Variants in EDA observed in about 807,000 individuals in gnomAD.
EDA encodes ectodysplasin A, also known as ectodysplasin-A.
In EDA, 2 loss-of-function variants were observed where a neutral mutation model predicts 23.6. The observed-to-expected ratio is 0.08, with a 90% CI of 0.03 to 0.27. The LOEUF is 0.27. EDA is among the 10% of genes least tolerant of loss of function. The pLI is 1.00. For missense variants in EDA, 229 were observed against 324.2 expected, an observed-to-expected ratio of 0.71 and a Z score of 2.26; for synonymous variants, 131 against 132.0, an observed-to-expected ratio of 0.99 and a Z score of 0.05.
At chrX:69,746,581 G>A (rs1048749097) in intron 1 of EDA, among the ~76,000 whole-genome samples, 1 of 110,984 alleles carries the variant, frequency 9.0e-6, no homozygotes, top group African/African-American at 3.3e-5. Flanking sequence ...GAAGGGAAGG[G>A]TATAAATTGA....
At chrX:69,962,164 T>G (rs2019111473) in intron 2 of EDA, among the ~76,000 whole-genome samples, 1 of 111,701 alleles carries the variant, frequency 9.0e-6, no homozygotes, top group South Asian at 3.8e-4. Flanking sequence ...TCTTAATATC[T>G]CTCCACACCT....
At chrX:69,697,569 A>G (rs1360740237) in intron 1 of EDA, among the ~76,000 whole-genome samples, 1 of 112,071 alleles carries the variant, frequency 8.9e-6, no homozygotes, top group Non-Finnish European at 1.9e-5. Flanking sequence ...GTTGGTGTCC[A>G]TCGTGTCGTT....
At chrX:69,734,672 A>G (rs2013180496) in intron 1 of EDA, among the ~76,000 whole-genome samples, 1 of 111,759 alleles carries the variant, frequency 8.9e-6, no homozygotes. Flanking sequence ...TCTCTTGAGA[A>G]TTCTTCTTTG....
At chrX:69,786,623 A>C (rs752456597) in intron 1 of EDA, among the ~76,000 whole-genome samples, 1,229 of 109,210 alleles carry the variant, frequency 0.011, 9 homozygotes, top group Non-Finnish European at 0.016. Context: ...CTTAATCCTG[A>C]GTTCTAGTTT....
intron 1 of EDA, among the ~76,000 whole-genome samples, chrX:69,641,891 C>T (rs371849999): frequency 6.3e-5 from 7 of 111,672 alleles, no homozygotes; most frequent in African/African-American, 2.3e-4. Context: ...GAATAAACTA[C>T]ATAGGGAAAC....
At chrX:69,829,325 C>T (rs937430928) in intron 1 of EDA, among the ~76,000 whole-genome samples, 1 of 111,849 alleles carries the variant, frequency 8.9e-6, no homozygotes, top group African/African-American at 3.2e-5. Flanking sequence ...TGCTCAGAGA[C>T]ATTTTGCACT....
At chrX:69,773,302 T>C (rs2014689497) in intron 1 of EDA, among the ~76,000 whole-genome samples, 1 of 112,530 alleles carries the variant, frequency 8.9e-6, no homozygotes, top group Non-Finnish European at 1.9e-5. Flanking sequence ...GTTTATACAT[T>C]CATCTATTAT....
At chrX:69,695,603 A>G (rs1268845323) in intron 1 of EDA, among the ~76,000 whole-genome samples, 1 of 100,522 alleles carries the variant, frequency 9.9e-6, no homozygotes, top group African/African-American at 3.7e-5. Flanking sequence ...TCCACCTCCC[A>G]GGTTCAAGCG....
In EDA at chrX:69,811,695, G is replaced by A. The variant is rs150312225; in HGVS notation, c.397-145332G>A. On this transcript the variant is annotated intron_variant, in intron 1 of 7. Transcript: ENST00000374552. ...TGTCAAGACCAATGATGCCACACAT[G>A]CAGTAAAAAAGGCATGAGAAGGTTT... 6.0e-3 allele frequency among the ~76,000 whole-genome samples: 677 copies of A among 112,468 alleles called. 4 individuals are homozygous for A. The highest frequency in any genetic ancestry group is 9.6e-3 in the South Asian group (26 of 2,703).
intron 1 of EDA, among the ~76,000 whole-genome samples, chrX:69,821,881 T>C (rs1281132205): frequency 1.8e-5 from 2 of 112,221 alleles, no homozygotes; most frequent in African/African-American, 3.2e-5. Flanking sequence ...TGTTACTAAA[T>C]ACATTCATAA....
intron 1 of EDA, among the ~76,000 whole-genome samples, chrX:69,667,952 A>C (rs781077426): frequency 8.9e-6 from 1 of 111,997 alleles, no homozygotes; most frequent in African/African-American, 3.2e-5. Flanking sequence ...TCACAGTAAT[A>C]ACAACCTATT....
At chrX:69,844,762 A>G (rs2016971466) in intron 1 of EDA, among the ~76,000 whole-genome samples, 1 of 112,446 alleles carries the variant, frequency 8.9e-6, no homozygotes, top group African/African-American at 3.2e-5. Flanking sequence ...ATTCAATCCT[A>G]TATAAAAATG....
intron 1 of EDA, among the ~76,000 whole-genome samples, chrX:69,878,266 AC>A (rs1031569369): frequency 3.6e-5 from 4 of 112,241 alleles, no homozygotes; most frequent in African/African-American, 1.3e-4. Context: ...AGGCGGGGTC[AC>A]CCCCGCAGGG....
chrX:69,844,911 C>T (rs1034103977), intron 1 of EDA, among the ~76,000 whole-genome samples: 2 of 112,191 alleles, frequency 1.8e-5, no homozygotes, highest in Admixed American at 1.9e-4. Context: ...AAGTACATTT[C>T]TCCTCTTCAG....
At chrX:69,694,650 C>T (rs1183667238) in intron 1 of EDA, among the ~76,000 whole-genome samples, 1 of 111,792 alleles carries the variant, frequency 8.9e-6, no homozygotes, top group Non-Finnish European at 1.9e-5. Flanking sequence ...GTTGAGAGTT[C>T]ACTACAACGT....
chrX:69,721,776 T>C (rs1056250852), intron 1 of EDA, among the ~76,000 whole-genome samples: 1 of 111,659 alleles, frequency 9.0e-6, no homozygotes, highest in Non-Finnish European at 1.9e-5. Context: ...CTAAACCAAC[T>C]CATCTTCTTG....
chrX:69,633,813 A>G (rs908386364), intron 1 of EDA, among the ~76,000 whole-genome samples: 1 of 112,574 alleles, frequency 8.9e-6, no homozygotes, highest in East Asian at 2.8e-4. Flanking sequence ...TAATGCTGCT[A>G]TGAACATGGA....
intron 1 of EDA, among the ~76,000 whole-genome samples, chrX:69,908,757 G>T (rs1336080146): frequency 9.1e-6 from 1 of 109,670 alleles, no homozygotes; most frequent in African/African-American, 3.3e-5. Flanking sequence ...AATGATGAGG[G>T]AATAGTTGGA....
intron 1 of EDA, among the ~76,000 whole-genome samples, chrX:69,815,328 C>G (rs904873063): frequency 7.2e-5 from 8 of 110,636 alleles, no homozygotes; most frequent in Admixed American, 1.9e-4. Context: ...GACACTGATC[C>G]ATTCCTCCTC....
Sources: gnomAD v4.1 joint callset for allele counts (sites outside exome capture counted in the v4.1 genomes callset) on GRCh38, gnomAD v4.1.1 for gene constraint, MANE v1.5 for transcripts, NCBI Gene and HGNC (gene_info 2026-07-23, HGNC 2026-07-21) for gene names.